Variants in ARHGAP15 observed in about 807,000 individuals in gnomAD.
The protein encoded by ARHGAP15 is rho GTPase-activating protein 15.
A neutral mutation model predicts 63.7 loss-of-function variants in ARHGAP15; 51 were observed. That is an observed-to-expected ratio of 0.80 (90% CI 0.64 to 1.01). The LOEUF (loss-of-function observed/expected upper bound fraction) is 1.01. Among genes scored for constraint, ARHGAP15 ranks in the 50% least tolerant of loss-of-function variants. The probability of loss-of-function intolerance (pLI) is 0.00; values close to 1 mark genes in which losing one functional copy is unlikely to be tolerated. For missense variants in ARHGAP15, 560 were observed against 564.6 expected (o/e 0.99, Z 0.08); for synonymous variants, 191 against 193.8 (o/e 0.99, Z 0.12).
chr2:143,471,758 TA>T (rs1691588492), intron 8 of ARHGAP15, among the ~76,000 whole-genome samples: 2 of 151,946 alleles, frequency 1.3e-5, no homozygotes, highest in African/African-American at 2.4e-5. Flanking sequence ...CTGTTTGGAG[TA>T]GGATGAATGA....
intron 11 of ARHGAP15, among the ~76,000 whole-genome samples, chr2:143,573,259 G>A (rs1054425685): frequency 1.2e-4 from 19 of 152,140 alleles, no homozygotes; most frequent in African/African-American, 4.6e-4. Flanking sequence ...TTGAAATAAG[G>A]TTTTTAAAGG....
intron 1 of ARHGAP15, among the ~76,000 whole-genome samples, chr2:143,141,766 A>T (rs1259401323): frequency 1.3e-5 from 2 of 152,158 alleles, no homozygotes; most frequent in African/African-American, 2.4e-5. Context: ...ACCAGCTTAG[A>T]TTTAAAAATA....
intron 12 of ARHGAP15, among the ~76,000 whole-genome samples, chr2:143,631,555 T>C (rs760836985): frequency 9.2e-5 from 14 of 152,102 alleles, no homozygotes; most frequent in Non-Finnish European, 1.8e-4. Flanking sequence ...AATTTGCATT[T>C]CACTAAAGAT....
chr2:143,361,116 T>C (rs1686033296), intron 6 of ARHGAP15, among the ~76,000 whole-genome samples: 1 of 152,130 alleles, frequency 6.6e-6, no homozygotes, highest in Non-Finnish European at 1.5e-5. Flanking sequence ...AGAGAAGCTA[T>C]ATCTATAGAC....
intron 11 of ARHGAP15, among the ~76,000 whole-genome samples, chr2:143,583,970 T>G (rs1697007843): frequency 1.3e-5 from 2 of 152,194 alleles, no homozygotes; most frequent in Non-Finnish European, 2.9e-5. Flanking sequence ...AATTTGGAAA[T>G]TTTGGAATTT....
At chr2:143,479,608 T>C (rs1294076293) in intron 8 of ARHGAP15, among the ~76,000 whole-genome samples, 1 of 152,132 alleles carries the variant, frequency 6.6e-6, no homozygotes, top group African/African-American at 2.4e-5. Flanking sequence ...TATTAGCAAA[T>C]TTATCAAAGT....
chr2:143,422,522 C>T (rs898205300), intron 6 of ARHGAP15, among the ~76,000 whole-genome samples: 1 of 152,032 alleles, frequency 6.6e-6, no homozygotes, highest in African/African-American at 2.4e-5. Flanking sequence ...AGTAAGATAA[C>T]AAAATTCAGT....
At chr2:143,496,333 A>G (rs573073820) in intron 9 of ARHGAP15, among the ~76,000 whole-genome samples, 1 of 152,304 alleles carries the variant, frequency 6.6e-6, no homozygotes, top group East Asian at 1.9e-4. Flanking sequence ...ACAGGAAACA[A>G]TCCAGGTCTT....
rs1478008876 is a variant in ARHGAP15 at position 143,673,746 on chromosome 2, GTGTGTGTGTGTGTA to G, written c.1139-29671_1139-29658del. On this transcript the variant is annotated intron_variant, in intron 12 of 13. Transcript: ENST00000295095. ...ATTGTGTGTGTGTGTGTGTGTGTGT[GTGTGTGTGTGTGTA>G]TATATATATATATATATATATATAA... Among the ~76,000 whole-genome samples, 8 of 29,710 alleles carry G rather than the reference GTGTGTGTGTGTGTA, an allele frequency of 2.7e-4. 1 individual carries two copies. The highest frequency in any genetic ancestry group is 7.8e-4 in the Non-Finnish European group (7 of 8,930). 19.5% of individuals were successfully genotyped at this position (29,710 alleles called of 152,430 possible).
chr2:143,479,962 C>G (rs190474294), intron 8 of ARHGAP15, among the ~76,000 whole-genome samples: 1 of 151,984 alleles, frequency 6.6e-6, no homozygotes, highest in Non-Finnish European at 1.5e-5. Context: ...TGATGGTATA[C>G]TTAATATTTG....
chr2:143,506,270 A>G (rs1693317257), intron 9 of ARHGAP15, among the ~76,000 whole-genome samples: 1 of 152,208 alleles, frequency 6.6e-6, no homozygotes, highest in Non-Finnish European at 1.5e-5. Context: ...AGTCCATATA[A>G]GTTGTGCCTT....
chr2:143,587,908 A>C (rs1238852985), intron 11 of ARHGAP15: 3 of 262,926 alleles, frequency 1.1e-5, no homozygotes, highest in Non-Finnish European at 2.4e-5. Flanking sequence ...TAGCACCTCA[A>C]CTAACTGAAC....
chr2:143,413,990 A>C, intron 6 of ARHGAP15, among the ~76,000 whole-genome samples: 1 of 103,328 alleles, frequency 9.7e-6, no homozygotes, highest in Admixed American at 1.2e-4. Context: ...CAGAAAGTTA[A>C]TCTGAAGCTA....
At chr2:143,250,271 T>A (rs1328741261) in intron 5 of ARHGAP15, among the ~76,000 whole-genome samples, 1 of 152,070 alleles carries the variant, frequency 6.6e-6, no homozygotes, top group Non-Finnish European at 1.5e-5. Context: ...ATTCTAGATA[T>A]TAATTTTTCC....
At chr2:143,463,166 C>T (rs552997194) in intron 8 of ARHGAP15, among the ~76,000 whole-genome samples, 1 of 151,986 alleles carries the variant, frequency 6.6e-6, no homozygotes, top group African/African-American at 2.4e-5. Context: ...CAGTGTGGCC[C>T]AGGGAGCCAA....
At chr2:143,306,294 G>A (rs899661179) in intron 6 of ARHGAP15, among the ~76,000 whole-genome samples, 1 of 152,078 alleles carries the variant, frequency 6.6e-6, no homozygotes, top group African/African-American at 2.4e-5. Context: ...TACAGTGTTC[G>A]GATTTGTAGA....
At chr2:143,364,763 A>G (rs1686222336) in intron 6 of ARHGAP15, among the ~76,000 whole-genome samples, 1 of 152,216 alleles carries the variant, frequency 6.6e-6, no homozygotes, top group Admixed American at 6.5e-5. Context: ...ACGGTGGCTC[A>G]GGCCTGTAAT....
chr2:143,496,477 T>C (rs1236667230), intron 9 of ARHGAP15, among the ~76,000 whole-genome samples: 1 of 152,204 alleles, frequency 6.6e-6, no homozygotes, highest in Non-Finnish European at 1.5e-5. Flanking sequence ...AAGAATTTAT[T>C]TTCTTATGGG....
At chr2:143,523,343 G>A (rs747758289) in intron 10 of ARHGAP15, among the ~76,000 whole-genome samples, 10 of 152,220 alleles carry the variant, frequency 6.6e-5, no homozygotes, top group South Asian at 6.2e-4. Flanking sequence ...AGGGAAATAC[G>A]TGTGTTTAAA....
Sources: allele counts gnomAD v4.1 joint callset (sites outside exome capture counted in the v4.1 genomes callset), GRCh38; gene constraint gnomAD v4.1.1; transcripts MANE v1.5; gene names NCBI Gene and HGNC (gene_info 2026-07-23, HGNC 2026-07-21).